AMPD1: variants seen among roughly 807,000 people sequenced by gnomAD.
AMPD1 encodes the protein adenosine monophosphate deaminase 1, also known as AMP deaminase 1.
A neutral mutation model predicts 82.9 loss-of-function variants in AMPD1; 74 were observed. That is an observed-to-expected ratio of 0.89 (90% CI 0.74 to 1.08). AMPD1 has a LOEUF of 1.08. Ranked by LOEUF, AMPD1 falls within the 50% of genes least tolerant of loss-of-function variation. The pLI is 0.00. For synonymous variants in AMPD1, 333 were observed against 320.5 expected (o/e 1.04, Z -0.42); for missense variants, 881 against 924.5 (o/e 0.95, Z 0.61).
chr1:114,673,204 T>C lies in AMPD1; in HGVS notation c.2154A>G (p.Thr718=), dbSNP rs1448889968. ...EGPAGNDIRR[T]NVAQIRMAYR... ...AGGCCATGCGGATTTGGGCTACATTTGTCCTCCGGATATCATTTCCAGCAG... is the reference window on the plus strand; with the variant it reads ...AGGCCATGCGGATTTGGGCTACATTCGTCCTCCGGATATCATTTCCAGCAG... Residue 718 remains threonine (T), a synonymous_variant, in exon 16 of 16, where the codon ACA becomes ACG. Transcript: ENST00000520113. 6.2e-7 allele frequency: 1 copy of C among 1,614,080 alleles called. No individual in the cohort carries two copies. The highest frequency in any genetic ancestry group is 8.5e-7 in the Non-Finnish European group (1 of 1,180,032).
chr1:114,678,630 T>A (rs1013353030), intron 7 of AMPD1, 103 bp from the exon 8 acceptor site: 1 of 1,079,156 alleles, frequency 9.3e-7, no homozygotes, highest in African/African-American at 1.6e-5. Context: ...TGGGACAAAG[T>A]GAATAATGAG....
At chr1:114,677,132 C>G (rs963956279) in intron 10 of AMPD1, among the ~76,000 whole-genome samples, 7 of 151,810 alleles carry the variant, frequency 4.6e-5, no homozygotes, top group African/African-American at 1.7e-4. Context: ...CTTCATAAAG[C>G]TAGAGGACTG....
chr1:114,678,724 G>T (rs75349593), intron 7 of AMPD1, among the ~76,000 whole-genome samples, 197 bp from the exon 8 acceptor site: 66 of 152,312 alleles, frequency 4.3e-4, no homozygotes, highest in African/African-American at 1.6e-3. Context: ...GATGTGAAAG[G>T]TTAGGCTAGA....
rs542684385 is a variant in AMPD1, at chr1:114,684,239, A to C, written c.507T>G (p.Ile169Met). 2 of 1,614,160 alleles carry C rather than the reference A, an allele frequency of 1.2e-6. No individual in the cohort carries two copies. Among genetic ancestry groups the C allele is most frequent in the East Asian group, 4.5e-5 (2 of 44,882 alleles). The change falls in exon 5 of 16, where the codon ATT (isoleucine) becomes ATG (methionine). Residue 169 changes from isoleucine (I) to methionine (M), a missense_variant. By Grantham distance (10) the Ile-to-Met change is conservative (BLOSUM62 1). This residue lies in a region of AMPD1 where 783 missense variants were observed against 786.4 expected (regional missense o/e 1.00). Transcript: ENST00000520113. ...CATTTGCTACCCAAGCCTCACCATCAATGTTCCGCAAGTATTTGGAAGGGG... is the reference window on the plus strand; with the variant it reads ...CATTTGCTACCCAAGCCTCACCATCCATGTTCCGCAAGTATTTGGAAGGGG... ...PKTPSKYLRN[I>M]DGEAWVANES...
At position 114,679,693 on chromosome 1, in the gene AMPD1, G is replaced by A; in HGVS notation, c.783C>T (p.His261=). The change falls in exon 7 of 16, where the codon CAC becomes CAT. Residue 261 remains histidine (H), a synonymous_variant. Coordinates refer to ENST00000520113, the MANE Select transcript of AMPD1 (RefSeq NM_000036.3). ...TGGAGGAGAGGAACTTCAGGCGCCG[G>A]TGGGTATAGGTCTTACTGTGAAAAA... ...IAQGPVKTYT[H]RRLKFLSSKF... 6.2e-7 allele frequency: 1 copy of A among 1,614,084 alleles called. No homozygotes were observed. The highest frequency in any genetic ancestry group is 2.2e-5 in the East Asian group (1 of 44,872).
At chr1:114,682,080 G>A (rs1297649771) in intron 5 of AMPD1, among the ~76,000 whole-genome samples, 1 of 152,116 alleles carries the variant, frequency 6.6e-6, no homozygotes, top group Non-Finnish European at 1.5e-5. Context: ...ATTTCGCACC[G>A]TCAGAGCCTT....
intron 4 of AMPD1, among the ~76,000 whole-genome samples, chr1:114,685,558 G>A (rs373910754): frequency 7.2e-5 from 11 of 152,226 alleles, no homozygotes; most frequent in South Asian, 4.1e-4. Context: ...AACATACTTC[G>A]TTTTTCCCAG....
At chr1:114,674,128 A>G in intron 13 of AMPD1, 46 bp from the exon 14 acceptor site, 1 of 1,545,250 alleles carries the variant, frequency 6.5e-7, no homozygotes, top group Non-Finnish European at 8.9e-7. Context: ...TGAAAAAGGA[A>G]TACAAACTAG....
At chr1:114,692,844 T>G (rs1477400336) in intron 2 of AMPD1, among the ~76,000 whole-genome samples, 1 of 151,062 alleles carries the variant, frequency 6.6e-6, no homozygotes, top group Non-Finnish European at 1.5e-5. Flanking sequence ...TTTCAAAATA[T>G]TAAACAGGCT....
rs1165630426 is a variant in AMPD1, at chr1:114,680,383, C to T, written c.643G>A (p.Val215Ile). The T allele has an allele frequency of 6.2e-7, 1 of 1,614,214 alleles. No individual in the cohort carries two copies. Among genetic ancestry groups the T allele is most frequent in the Non-Finnish European group, 8.5e-7 (1 of 1,180,040 alleles). The change falls in exon 6 of 16, where the codon GTT becomes ATT. Residue 215 changes from valine (V) to isoleucine (I), a missense_variant. Coordinates refer to ENST00000520113, the MANE Select transcript of AMPD1 (RefSeq NM_000036.3). ...GCTGCTTCATTAGGATAGACGTAAA[C>T]TACACCGTCCTTCATTTTGAGGTGA... Reference protein sequence around the residue: ...GYHLKMKDGVVYVYPNEAAVS... With the variant: ...GYHLKMKDGVIYVYPNEAAVS...
intron 5 of AMPD1, among the ~76,000 whole-genome samples, chr1:114,681,073 A>AT (rs1658145158): frequency 1.3e-5 from 2 of 152,230 alleles, no homozygotes; most frequent in African/African-American, 4.8e-5. Context: ...CTTACAAACA[A>AT]TCTTCATTAT....
At chr1:114,679,133 G>C (rs749700569) in intron 7 of AMPD1, among the ~76,000 whole-genome samples, 3 of 152,158 alleles carry the variant, frequency 2.0e-5, no homozygotes, top group Non-Finnish European at 4.4e-5. Flanking sequence ...CTCTAGGCTA[G>C]CTCATTTGAT....
At position 114,674,010 on chromosome 1, in the gene AMPD1, G is replaced by A. The variant is rs919600835; in HGVS notation, c.1873C>T (p.Leu625=). ...IAMSPLSNNS[L]FLEYAKNPFL... is the part of the protein sequence containing the mutation. The stretch of plus-strand genomic sequence containing the variant: ...GGATTTTTGGCATACTCTAGAAATA[G>A]GCTATTGTTACTTAGTGGTGACATG... Residue 625 remains leucine, a synonymous_variant, in exon 14 of 16, where the codon CTA becomes TTA. Coordinates refer to ENST00000520113, the MANE Select transcript of AMPD1 (RefSeq NM_000036.3). The A allele has an allele frequency of 1.9e-6, 3 of 1,613,828 alleles. No individual in the cohort carries two copies. The highest frequency in any genetic ancestry group is 1.7e-6 in the Non-Finnish European group (2 of 1,179,878).
chr1:114,676,717 T>C (rs1657993132), intron 10 of AMPD1, among the ~76,000 whole-genome samples: 1 of 152,154 alleles, frequency 6.6e-6, no homozygotes, highest in South Asian at 2.1e-4. Context: ...AGAGACAGGA[T>C]GAAACTCTTG....
chr1:114,692,405 G>T (rs1270483967), intron 2 of AMPD1, among the ~76,000 whole-genome samples: 1 of 152,186 alleles, frequency 6.6e-6, no homozygotes, highest in Non-Finnish European at 1.5e-5. Flanking sequence ...GGTTTTTAAG[G>T]CTGGGCACGG....
intron 5 of AMPD1, among the ~76,000 whole-genome samples, chr1:114,683,717 A>G (rs1658229572): frequency 6.6e-6 from 1 of 152,184 alleles, no homozygotes; most frequent in East Asian, 1.9e-4. Context: ...AGCCTGGGCA[A>G]CAGAATGAGA....
Position 114,684,337 on chromosome 1 carries a change from A to G in AMPD1, c.409T>C (p.Cys137Arg). The change falls in exon 5 of 16, where the codon TGC becomes CGC. Residue 137 changes from cysteine to arginine, a missense_variant. By Grantham distance (180) the Cys-to-Arg change is radical. Around this residue, in one of 2 missense-constraint regions of AMPD1, gnomAD observed 783 missense variants for 786.4 expected, o/e 1.00. Transcript: ENST00000520113. ...GVTVEDFEIV[C>R]KGLYRALCIR... The stretch of plus-strand genomic sequence containing the variant: ...CATAGTGCCCGATACAGACCTTTGC[A>G]AACAATTTCAAAATCTTCAACTGTA... The G allele has an allele frequency of 1.2e-6, 2 of 1,614,122 alleles. No homozygotes were observed. Among genetic ancestry groups the G allele is most frequent in the South Asian group, 1.1e-5 (1 of 91,078 alleles).
chr1:114,674,810 TG>T lies in AMPD1; in HGVS notation c.1741del (p.His581IlefsTer3). 6.2e-7 allele frequency: 1 copy of T among 1,613,662 alleles called. No homozygotes were observed. Among genetic ancestry groups the T allele is most frequent in the Non-Finnish European group, 8.5e-7 (1 of 1,179,580 alleles). ...TGCTATCATGAATGCTGTCATGAGA[TG>T]GGTGAGGGCTCCAGCTTCTCCACAG... ...PHCGEAGALT[H>X]LMTAFMIADD... On this transcript the variant is annotated frameshift_variant, in exon 13 of 16. Coordinates refer to ENST00000520113, the MANE Select transcript of AMPD1 (RefSeq NM_000036.3). LOFTEE classifies it high-confidence loss of function.
At chr1:114,687,331 A>C (rs1658351226) in intron 3 of AMPD1, among the ~76,000 whole-genome samples, 1 of 152,192 alleles carries the variant, frequency 6.6e-6, no homozygotes, top group African/African-American at 2.4e-5. Flanking sequence ...ACTACCTTAT[A>C]GGATTTCTAT....
Sources: gnomAD v4.1 joint callset for allele counts (sites outside exome capture counted in the v4.1 genomes callset) on GRCh38, gnomAD v4.1.1 for gene constraint, gnomAD v4.1.1 regional missense constraint, MANE v1.5 for transcripts, NCBI Gene and HGNC (gene_info 2026-07-23, HGNC 2026-07-21) for gene names.